Variants in JAK2 observed in about 807,000 individuals in gnomAD.
JAK2 encodes Janus kinase 2, also known as tyrosine-protein kinase JAK2.
A neutral mutation model predicts 139.3 loss-of-function variants in JAK2; 86 were observed. That is an observed-to-expected ratio of 0.62 (90% confidence interval 0.52 to 0.74). The LOEUF (loss-of-function observed/expected upper bound fraction) is 0.74, where lower values mean the gene tolerates loss of function less well. Ranked by LOEUF, JAK2 falls within the 30% of genes least tolerant of loss-of-function variation. The pLI is 0.00. For missense variants in JAK2, 1,421 were observed against 1,360.3 expected (o/e 1.04, Z -0.70); for synonymous variants, 490 against 437.7 (o/e 1.12, Z -1.49).
intron 2 of JAK2, among the ~76,000 whole-genome samples, chr9:5,010,129 T>C (rs1282474253): frequency 1.3e-5 from 2 of 152,232 alleles, no homozygotes; most frequent in Non-Finnish European, 2.9e-5. Context: ...TCCTATCTAC[T>C]TTTGATCTTC....
At chr9:5,001,788 G>A (rs1213791731) in intron 2 of JAK2, among the ~76,000 whole-genome samples, 1 of 152,070 alleles carries the variant, frequency 6.6e-6, no homozygotes, top group East Asian at 1.9e-4. Context: ...CTTTCCCAGG[G>A]AAGTCACTTT....
At chr9:5,073,294 A>G (rs1221696764) in intron 13 of JAK2, among the ~76,000 whole-genome samples, 1 of 152,206 alleles carries the variant, frequency 6.6e-6, no homozygotes, top group Non-Finnish European at 1.5e-5. Context: ...ATGTCGTGAT[A>G]TTTTATCTGC....
intron 15 of JAK2, among the ~76,000 whole-genome samples, 172 bp downstream of exon 15, chr9:5,077,752 A>G (rs1268868848): frequency 6.6e-6 from 1 of 152,238 alleles, no homozygotes; most frequent in African/African-American, 2.4e-5. Context: ...TTATGTATGT[A>G]AAATCACTTT....
intron 2 of JAK2, among the ~76,000 whole-genome samples, chr9:4,995,845 AC>A (rs1820530567): frequency 6.6e-6 from 1 of 152,030 alleles, no homozygotes; most frequent in Non-Finnish European, 1.5e-5. Context: ...TTTTAGTTTT[AC>A]CTTTTTTTTA....
chr9:5,066,886 T>C, intron 10 of JAK2, 97 bp downstream of exon 10: 1 of 489,592 alleles, frequency 2.0e-6, no homozygotes, highest in South Asian at 5.0e-5. Context: ...ATACTGAGAA[T>C]TATAGCTTTG....
intron 2 of JAK2, among the ~76,000 whole-genome samples, chr9:5,012,799 T>A (rs537402984): frequency 4.2e-4 from 64 of 152,152 alleles, no homozygotes; most frequent in Admixed American, 1.7e-3. Flanking sequence ...TATGATGAGG[T>A]TGGAGAGGTA....
chr9:4,992,977 C>T (rs1352063535), intron 2 of JAK2, among the ~76,000 whole-genome samples: 1 of 152,178 alleles, frequency 6.6e-6, no homozygotes, highest in Non-Finnish European at 1.5e-5. Context: ...TGCACCCAAC[C>T]CATATAAATT....
chr9:5,022,709 C>T (rs1430731800), intron 3 of JAK2, among the ~76,000 whole-genome samples: 1 of 152,076 alleles, frequency 6.6e-6, no homozygotes, highest in Non-Finnish European at 1.5e-5. Flanking sequence ...ACTCTTGAGA[C>T]CTGATTATAT....
chr9:5,075,308 C>CA (rs1187418013), intron 14 of JAK2, among the ~76,000 whole-genome samples: 1 of 152,186 alleles, frequency 6.6e-6, no homozygotes, highest in Non-Finnish European at 1.5e-5. Context: ...CAAATGTAAA[C>CA]AAAACAGCCT....
chr9:4,987,748 A>G (rs1345800505), intron 2 of JAK2, among the ~76,000 whole-genome samples: 27 of 151,956 alleles, frequency 1.8e-4, no homozygotes, highest in East Asian at 5.8e-4. Context: ...AAAAAAAAAA[A>G]AAAGAAAGAA....
intron 22 of JAK2, chr9:5,108,624 C>T (rs543716202): frequency 6.6e-6 from 1 of 152,134 alleles, no homozygotes; most frequent in South Asian, 2.1e-4. Flanking sequence ...TGCAGCGGTA[C>T]TCCTAAAACT....
At chr9:5,060,818 C>T (rs1017431229) in intron 8 of JAK2, among the ~76,000 whole-genome samples, 3 of 152,168 alleles carry the variant, frequency 2.0e-5, no homozygotes, top group African/African-American at 7.2e-5. Flanking sequence ...TCTATTTACC[C>T]AGCTCCATCA....
intron 22 of JAK2, 46 bp downstream of exon 22, chr9:5,090,957 T>C: frequency 7.8e-7 from 1 of 1,283,352 alleles, no homozygotes; most frequent in South Asian, 1.4e-5. Context: ...AGCACAGACT[T>C]CAAACTTTAT....
At chr9:5,085,794 C>T (rs1295503757) in intron 19 of JAK2, 15 of 755,072 alleles carry the variant, frequency 2.0e-5, no homozygotes, top group South Asian at 5.5e-5. Flanking sequence ...ATTACATGCT[C>T]GGGCCATTAG....
At chr9:5,093,188 G>C (rs3780368) in intron 22 of JAK2, among the ~76,000 whole-genome samples, 36,932 of 152,026 alleles carry the variant, frequency 0.24, 4,934 homozygotes, top group South Asian at 0.3. Flanking sequence ...TTTACAATAA[G>C]CATCCTATTA....
At chr9:5,037,051 T>G (rs1046595063) in intron 4 of JAK2, among the ~76,000 whole-genome samples, 1 of 152,160 alleles carries the variant, frequency 6.6e-6, no homozygotes, top group African/African-American at 2.4e-5. Flanking sequence ...GGGCGAAGGA[T>G]ACGAACAGAC....
In JAK2 at chr9:5,027,951, C is replaced by G. The variant is rs1228744909; in HGVS notation, c.227-1832C>G. 2.0e-5 allele frequency among the ~76,000 whole-genome samples: 3 copies of G among 152,190 alleles called. 1 individual carries two copies. Among genetic ancestry groups the G allele is most frequent in the Admixed American group, 2.0e-4 (3 of 15,270 alleles). ...GAAGATTAAATCCCTCAAAGATACC[C>G]ATGAGAGCCAGAATCAGCTTCTTCC... On this transcript the variant is annotated intron_variant, in intron 3 of 24. Transcript: ENST00000381652.
chr9:5,087,613 G>T (rs1300351714), intron 19 of JAK2, among the ~76,000 whole-genome samples: 1 of 152,146 alleles, frequency 6.6e-6, no homozygotes, highest in African/African-American at 2.4e-5. Context: ...AAGTGAGACT[G>T]ATTTTTGCCT....
intron 4 of JAK2, among the ~76,000 whole-genome samples, chr9:5,037,242 T>G (rs947752372): frequency 1.3e-5 from 2 of 151,936 alleles, no homozygotes; most frequent in Non-Finnish European, 2.9e-5. Context: ...AATAGGAACA[T>G]TTTTACACTG....
Sources: gnomAD v4.1 joint callset for allele counts (sites outside exome capture counted in the v4.1 genomes callset) on GRCh38, gnomAD v4.1.1 for gene constraint, MANE v1.5 for transcripts, NCBI Gene and HGNC (gene_info 2026-07-23, HGNC 2026-07-21) for gene names.